Variants in GM2A observed in about 807,000 individuals in gnomAD.
GM2A encodes GM2 ganglioside activator.
A neutral mutation model predicts 12.9 loss-of-function variants in GM2A; 7 were observed. The ratio of observed to expected loss-of-function variants is 0.54; its 90% CI spans 0.31 to 1.02. The LOEUF is 1.02. Among genes scored for constraint, GM2A ranks in the 50% least tolerant of loss-of-function variants. The pLI is 0.05. For synonymous variants in GM2A, 101 were observed against 96.0 expected, an observed-to-expected ratio of 1.05 and a Z score of -0.30; for missense variants, 246 against 241.0, an observed-to-expected ratio of 1.02 and a Z score of -0.14.
Position 151,268,588 on chromosome 5 carries a change from CT to C in GM2A, c.*1138del, listed in dbSNP as rs1753943586. 8 of 973,098 alleles carry C rather than the reference CT, an allele frequency of 8.2e-6. No homozygotes were observed. In the South Asian group the frequency reaches 3.3e-4, roughly 40 times the overall value. 60.3% of individuals were successfully genotyped at this position (973,098 alleles called of 1,614,324 possible). On this transcript the variant is annotated 3_prime_UTR_variant, in exon 4 of 4. Transcript: ENST00000357164. ...GAAATATAATTAAGGGTGGCAAGGA[CT>C]GGAGTCAGTTGGAGAGTGCATAGCC...
chr5:151,264,336 A>T (rs1753847108), intron 2 of GM2A, among the ~76,000 whole-genome samples: 1 of 152,162 alleles, frequency 6.6e-6, no homozygotes, highest in Non-Finnish European at 1.5e-5. Flanking sequence ...AGTTCAGTAC[A>T]CTTCTTGTGT....
Position 151,269,019 on chromosome 5 carries a change from C to T in GM2A, c.*1568C>T, listed in dbSNP as rs1444362087. The T allele has an allele frequency of 1.0e-6, 1 of 985,366 alleles. No individual in the cohort carries two copies. Among genetic ancestry groups the T allele is most frequent in the Non-Finnish European group, 1.2e-6 (1 of 829,972 alleles). 61.0% of individuals were successfully genotyped at this position (985,366 alleles called of 1,614,324 possible). A position where few individuals can be genotyped will look rare whatever the true frequency, so the allele number is the denominator to read the frequency against. On this transcript the variant is annotated 3_prime_UTR_variant, in exon 4 of 4. Coordinates refer to ENST00000357164, the MANE Select transcript of GM2A (RefSeq NM_000405.5). ...GTGGGGATCACAAGGCTGCCTGCCT[C>T]AGTCTTGGAGTCCTGTTGGGTGAAT...
intron 1 of GM2A, among the ~76,000 whole-genome samples, chr5:151,256,875 A>G (rs1753699637): frequency 6.6e-6 from 1 of 152,108 alleles, no homozygotes; most frequent in Admixed American, 6.5e-5. Flanking sequence ...CCTCTCCTCC[A>G]GCCTATGACA....
At chr5:151,261,596 G>A (rs1011050156) in intron 2 of GM2A, among the ~76,000 whole-genome samples, 2 of 151,284 alleles carry the variant, frequency 1.3e-5, no homozygotes, top group South Asian at 2.1e-4. Flanking sequence ...CTGCCATTGC[G>A]CCCCACTAAT....
intron 1 of GM2A, among the ~76,000 whole-genome samples, chr5:151,255,012 A>C (rs989323782): frequency 2.6e-5 from 4 of 152,202 alleles, no homozygotes; most frequent in African/African-American, 9.6e-5. Context: ...AATTTAAAAA[A>C]AACCCAAGAC....
intron 2 of GM2A, among the ~76,000 whole-genome samples, chr5:151,264,097 G>A (rs1462589673): frequency 6.6e-6 from 1 of 152,034 alleles, no homozygotes; most frequent in African/African-American, 2.4e-5. Context: ...CCATCCTCAA[G>A]AACTGTAAAT....
intron 2 of GM2A, among the ~76,000 whole-genome samples, chr5:151,261,582 G>A (rs1168917799): frequency 6.6e-6 from 1 of 151,948 alleles, no homozygotes; most frequent in Admixed American, 6.6e-5. Context: ...GGGATTACAG[G>A]CACCTGCCAT....
intron 1 of GM2A, 61 bp downstream of exon 1, chr5:151,253,358 G>A: frequency 7.8e-7 from 1 of 1,284,288 alleles, no homozygotes; most frequent in African/African-American, 1.5e-5. Context: ...CGGGTGTGCG[G>A]GTCTGGCTGA....
Position 151,269,068 on chromosome 5 carries a change from C to T in GM2A, c.*1617C>T. ...ATGAGGCAGATGGGAAAGAGCCTCA[C>T]CAGCAGCTGCTTTTGGAGCAGGGGT... On this transcript the variant is annotated 3_prime_UTR_variant, in exon 4 of 4. Transcript: ENST00000357164. 2 of 985,468 alleles carry T rather than the reference C, an allele frequency of 2.0e-6. No homozygotes were observed. Among genetic ancestry groups the T allele is most frequent in the African/African-American group, 1.7e-5 (1 of 57,364 alleles). 61.0% of individuals were successfully genotyped at this position (985,468 alleles called of 1,614,324 possible). A position where few individuals can be genotyped will look rare whatever the true frequency, so the allele number is the denominator to read the frequency against.
intron 2 of GM2A, among the ~76,000 whole-genome samples, chr5:151,266,290 G>C (rs1753883187): frequency 6.6e-6 from 1 of 151,968 alleles, no homozygotes; most frequent in Admixed American, 6.6e-5. Context: ...ACCAGCCTGG[G>C]CAACAAAGTG....
chr5:151,262,643 G>A (rs1168969476), intron 2 of GM2A, among the ~76,000 whole-genome samples: 2 of 152,224 alleles, frequency 1.3e-5, no homozygotes, highest in Non-Finnish European at 2.9e-5. Context: ...TTCCTCAAGT[G>A]ATAGGGGGTC....
intron 1 of GM2A, among the ~76,000 whole-genome samples, chr5:151,257,906 G>A (rs1450758510): frequency 6.6e-6 from 1 of 152,168 alleles, no homozygotes; most frequent in African/African-American, 2.4e-5. Flanking sequence ...ATTACCTTCT[G>A]CTCTTTTCCT....
In GM2A at chr5:151,270,232, C is replaced by A; in HGVS notation, c.*2781C>A. The A allele has an allele frequency of 3.7e-6, 2 of 536,510 alleles. No individual in the cohort carries two copies. The highest frequency in any genetic ancestry group is 5.7e-6 in the Non-Finnish European group (2 of 352,450). 33.2% of individuals were successfully genotyped at this position (536,510 alleles called of 1,614,324 possible). A position where few individuals can be genotyped will look rare whatever the true frequency, so the allele number is the denominator to read the frequency against. On this transcript the variant is annotated 3_prime_UTR_variant, in exon 4 of 4. Transcript: ENST00000357164. ...TTGAAGTTAGACCTGTACTTCACACCATATGCAAGAATGAACTCCATCTGG... is the reference window on the plus strand; with the variant it reads ...TTGAAGTTAGACCTGTACTTCACACAATATGCAAGAATGAACTCCATCTGG...
intron 1 of GM2A, among the ~76,000 whole-genome samples, chr5:151,258,576 G>GAGCCCTT (rs1753736291): frequency 1.3e-5 from 2 of 152,240 alleles, no homozygotes; most frequent in East Asian, 3.9e-4. Context: ...CAGACCAACA[G>GAGCCCTT]AGCCCTTAGC....
intron 1 of GM2A, among the ~76,000 whole-genome samples, chr5:151,257,380 G>T (rs1292708182): frequency 6.6e-6 from 1 of 152,026 alleles, no homozygotes; most frequent in Non-Finnish European, 1.5e-5. Context: ...GAGGGGAAGG[G>T]ATTCTTCTCC....
intron 1 of GM2A, among the ~76,000 whole-genome samples, chr5:151,254,033 T>C (rs147008859): frequency 1.3e-5 from 2 of 152,320 alleles, no homozygotes; most frequent in East Asian, 3.9e-4. Flanking sequence ...TGTTCCCCCT[T>C]TTAAAGGCTG....
rs189626755 is a variant in GM2A, at chr5:151,267,807, C to A, written c.*356C>A. ...CTGAAGAATCTTTATGACTCTCTCT[C>A]TTTCACTCTTTTTTTTTTTTGTCAC... On this transcript the variant is annotated 3_prime_UTR_variant, in exon 4 of 4. Transcript: ENST00000357164. The A allele has an allele frequency of 7.6e-3, 8,914 of 1,167,650 alleles. 47 individuals are homozygous for A. The highest frequency in any genetic ancestry group is 8.7e-3 in the Non-Finnish European group (8,171 of 936,136). The allele number at this position is 1,167,650 out of a possible 1,614,324, so 72.3% of individuals were successfully genotyped here.
chr5:151,269,368 C>T lies in GM2A; in HGVS notation c.*1917C>T. ...CGGTACAGGTGAGCCGAGGTGATTC[C>T]AGGGACGGACCCTTCTGCAGGAGCT... On this transcript the variant is annotated 3_prime_UTR_variant, in exon 4 of 4. Coordinates refer to ENST00000357164, the MANE Select transcript of GM2A (RefSeq NM_000405.5). The T allele has an allele frequency of 1.0e-6, 1 of 985,370 alleles. No individual in the cohort carries two copies. The highest frequency in any genetic ancestry group is 1.2e-6 in the Non-Finnish European group (1 of 829,922). 61.0% of individuals were successfully genotyped at this position (985,370 alleles called of 1,614,324 possible). A position where few individuals can be genotyped will look rare whatever the true frequency, so the allele number is the denominator to read the frequency against.
Position 151,269,893 on chromosome 5 carries a change from C to G in GM2A, c.*2442C>G. 1 of 906,836 alleles carries G rather than the reference C, an allele frequency of 1.1e-6. No individual in the cohort carries two copies. The highest frequency in any genetic ancestry group is 1.4e-6 in the Non-Finnish European group (1 of 717,794). The allele number at this position is 906,836 out of a possible 1,614,324, so 56.2% of individuals were successfully genotyped here. A position where few individuals can be genotyped will look rare whatever the true frequency, so the allele number is the denominator to read the frequency against. ...AAACCTATACTGTTGTTGGTGAATT[C>G]TTTTTACCAACCCACGAGTTGACCA... On this transcript the variant is annotated 3_prime_UTR_variant, in exon 4 of 4. Transcript: ENST00000357164.
Sources: allele counts gnomAD v4.1 joint callset (sites outside exome capture counted in the v4.1 genomes callset), GRCh38; gene constraint gnomAD v4.1.1; transcripts MANE v1.5; gene names NCBI Gene and HGNC (gene_info 2026-07-23, HGNC 2026-07-21).